PARP9: variants seen among roughly 807,000 people sequenced by gnomAD.
PARP9 encodes the protein protein mono-ADP-ribosyltransferase PARP9.
In PARP9, 48 loss-of-function variants were observed where a neutral mutation model predicts 68.8. That is an observed-to-expected ratio of 0.70 (90% CI 0.55 to 0.89). The LOEUF (loss-of-function observed/expected upper bound fraction) is 0.89, where lower values mean the gene tolerates loss of function less well. Among genes scored for constraint, PARP9 ranks in the 40% least tolerant of loss-of-function variants. The pLI, the probability that PARP9 is intolerant of heterozygous loss-of-function variation, is 0.00. For synonymous variants in PARP9, 309 were observed against 333.8 expected (o/e 0.93, Z 0.81); for missense variants, 806 against 969.3 (o/e 0.83, Z 2.24).
rs763605659 is a variant in PARP9, at chr3:122,528,652, G to C, written c.2172C>G (p.Ile724Met). 1 of 1,614,038 alleles carries C rather than the reference G, an allele frequency of 6.2e-7. No homozygotes were observed. Among genetic ancestry groups the C allele is most frequent in the African/African-American group, 1.3e-5 (1 of 74,908 alleles). ...TGAGTACTTCAGCCTCAAACACATA[G>C]ATCAGCTTATCTGCAGCAGAGATTT... ...AKKISAADKLIYVFEAEVLTG... is the reference protein window; with the variant it reads ...AKKISAADKLMYVFEAEVLTG... The change falls in exon 11 of 11, where the codon ATC (isoleucine) becomes ATG (methionine). Residue 724 changes from isoleucine to methionine, a missense_variant. Around this residue, in one of 2 missense-constraint regions of PARP9, gnomAD observed 680 missense variants for 858.8 expected, o/e 0.79. Transcript: ENST00000682323.
At chr3:122,544,079 T>C (rs1016566789) in intron 7 of PARP9, among the ~76,000 whole-genome samples, 1 of 152,222 alleles carries the variant, frequency 6.6e-6, no homozygotes, top group Admixed American at 6.5e-5. Context: ...ACTCCTCTTA[T>C]GTACCCACCA....
intron 1 of PARP9, among the ~76,000 whole-genome samples, chr3:122,562,407 A>G (rs933250754): frequency 3.3e-5 from 5 of 150,286 alleles, no homozygotes; most frequent in African/African-American, 1.2e-4. Context: ...GTTAGCCAGG[A>G]TGGTCTCGAT....
intron 8 of PARP9, among the ~76,000 whole-genome samples, chr3:122,537,617 A>C (rs1269700693): frequency 6.6e-6 from 1 of 152,236 alleles, no homozygotes; most frequent in Non-Finnish European, 1.5e-5. Context: ...TAGTAAGTAA[A>C]GAACTAAGAT....
intron 2 of PARP9, 126 bp downstream of exon 2, chr3:122,559,480 A>C: frequency 1.2e-6 from 1 of 849,810 alleles, no homozygotes; most frequent in Non-Finnish European, 1.7e-6. Context: ...AGAAAACTTT[A>C]TTGAGCTATT....
chr3:122,535,525 G>C (rs1415889954), intron 10 of PARP9: 3 of 985,196 alleles, frequency 3.0e-6, no homozygotes, highest in Admixed American at 1.2e-4. Context: ...TTCCTCTTTT[G>C]GAGAGAACTA....
intron 7 of PARP9, among the ~76,000 whole-genome samples, chr3:122,541,066 A>G (rs1332472340): frequency 3.3e-5 from 5 of 151,874 alleles, no homozygotes; most frequent in Non-Finnish European, 1.5e-5. Context: ...AATTTTTTGT[A>G]TTTTTAGTCG....
Position 122,528,753 on chromosome 3 carries a change from G to GA in PARP9, c.2081-11dup. The stretch of plus-strand genomic sequence containing the variant: ...GCTCCGTATTTTGGATCTGATAAAG[G>GA]AAAAAATAAAATAAAAAGATTATTA... On this transcript the variant is annotated splice_polypyrimidine_tract_variant and intron_variant, in intron 10 of 10. Transcript: ENST00000682323. The GA allele has an allele frequency of 6.4e-7, 1 of 1,551,458 alleles. No individual in the cohort carries two copies. The highest frequency in any genetic ancestry group is 8.7e-7 in the Non-Finnish European group (1 of 1,150,594).
chr3:122,553,452 T>C (rs992770046), intron 4 of PARP9, among the ~76,000 whole-genome samples: 5 of 152,212 alleles, frequency 3.3e-5, no homozygotes, highest in African/African-American at 9.6e-5. Context: ...GAAAGCACAA[T>C]TAGAATTTGC....
intron 4 of PARP9, 58 bp from the exon 5 acceptor site, chr3:122,552,697 A>G: frequency 7.6e-7 from 1 of 1,314,858 alleles, no homozygotes; most frequent in South Asian, 1.2e-5. Context: ...TAAATGACTA[A>G]TTTAAATCTT....
chr3:122,561,184 C>T (rs991108256), intron 1 of PARP9, among the ~76,000 whole-genome samples: 2 of 152,228 alleles, frequency 1.3e-5, no homozygotes, highest in Admixed American at 1.3e-4. Flanking sequence ...AGTGGCCAGG[C>T]ATGGCGGCTC....
chr3:122,534,539 C>CTA, intron 10 of PARP9: 23 of 679,600 alleles, frequency 3.4e-5, no homozygotes, highest in Non-Finnish European at 4.2e-5. Context: ...TTTTATATCA[C>CTA]TATATAATGA....
intron 10 of PARP9, among the ~76,000 whole-genome samples, chr3:122,531,584 C>T (rs529207587): frequency 1.3e-5 from 2 of 152,050 alleles, no homozygotes; most frequent in African/African-American, 2.4e-5. Context: ...GGTGAAACCC[C>T]GTATAACTGT....
intron 10 of PARP9, chr3:122,533,626 T>C: frequency 2.2e-6 from 2 of 911,798 alleles, no homozygotes; most frequent in Non-Finnish European, 2.6e-6. Context: ...ACTCTATTTC[T>C]AGTACCCCTA....
At position 122,540,749 on chromosome 3, in the gene PARP9, G is replaced by A. The variant is rs763790510; in HGVS notation, c.1488C>T (p.His496=). ...GFNVEEMYEA[H]AWIQRILSLQ... is the part of the protein sequence containing the mutation. ...GACTCAGGATTCTTTGGATCCATGC[G>A]TGGGCCTCATACATCTCTTCCACGT... Residue 496 remains histidine (H), a synonymous_variant, in exon 8 of 11, where the codon CAC becomes CAT. Transcript: ENST00000682323. 6 of 1,613,972 alleles carry A rather than the reference G, an allele frequency of 3.7e-6. No homozygotes were observed. The African/African-American group carries it at 4.0e-5, about 11-fold the overall frequency.
rs995991697 is a variant in PARP9, at chr3:122,545,656, C to G, written c.1327-167G>C. On this transcript the variant is annotated intron_variant, in intron 6 of 10. Coordinates refer to ENST00000682323, the MANE Select transcript of PARP9 (RefSeq NM_001146105.2). ...TTAGGAAAGTCCCAGAGAAGAGGACCTCAGTCTATTAGAACACGGAAAGAA... is the reference window on the plus strand; with the variant it reads ...TTAGGAAAGTCCCAGAGAAGAGGACGTCAGTCTATTAGAACACGGAAAGAA... The G allele has an allele frequency of 1.3e-5, 8 of 626,080 alleles. No individual in the cohort carries two copies. In the East Asian group the frequency reaches 1.6e-4, roughly 13 times the overall value. The allele number at this position is 626,080 out of a possible 1,614,324, so 38.8% of individuals were successfully genotyped here. A position where few individuals can be genotyped will look rare whatever the true frequency, so the allele number is the denominator to read the frequency against.
intron 7 of PARP9, among the ~76,000 whole-genome samples, chr3:122,544,975 T>G (rs1281957962): frequency 6.6e-6 from 1 of 152,212 alleles, no homozygotes; most frequent in African/African-American, 2.4e-5. Flanking sequence ...TTGCGTTTGT[T>G]TGTTTTTTAA....
chr3:122,536,582 T>A, intron 9 of PARP9: 2 of 682,216 alleles, frequency 2.9e-6, no homozygotes, highest in Non-Finnish European at 4.7e-6. Context: ...TTCACTGACC[T>A]AGACATAGTC....
At position 122,528,721 on chromosome 3, in the gene PARP9, T is replaced by C. The variant is rs2107526611; in HGVS notation, c.2103A>G (p.Ile701Met). 2.5e-6 allele frequency: 4 copies of C among 1,606,428 alleles called. No individual in the cohort carries two copies. The highest frequency in any genetic ancestry group is 2.2e-5 in the East Asian group (1 of 44,764). ...GGTTTTTGAGGTTCTTGGTGAAGTA[T>C]ATGCCAGCTCCGTATTTTGGATCTG... ...TPCDPKYGAG[I>M]YFTKNLKNLA... Residue 701 changes from isoleucine (I) to methionine (M), a missense_variant, in exon 11 of 11, where the codon ATA becomes ATG. Ile to Met is a conservative substitution (Grantham distance 10). Coordinates refer to ENST00000682323, the MANE Select transcript of PARP9 (RefSeq NM_001146105.2).
chr3:122,537,116 AGAG>A (rs543749055), intron 8 of PARP9, 43 bp from the exon 9 acceptor site: 2 of 1,535,774 alleles, frequency 1.3e-6, no homozygotes, highest in Non-Finnish European at 8.8e-7. Flanking sequence ...ATGCTCTGAG[AGAG>A]GAGAAAAGAA....
Sources: gnomAD v4.1 joint callset for allele counts (sites outside exome capture counted in the v4.1 genomes callset) on GRCh38, gnomAD v4.1.1 for gene constraint, gnomAD v4.1.1 regional missense constraint, MANE v1.5 for transcripts, NCBI Gene and HGNC (gene_info 2026-07-23, HGNC 2026-07-21) for gene names.